The following SLBP variants were observed in gnomAD, a reference collection of about 807,000 sequenced individuals.
The protein encoded by SLBP is stem-loop histone mRNA binding protein.
In SLBP, 29 loss-of-function variants were observed where a neutral mutation model predicts 39.2. That is an observed-to-expected ratio of 0.74 (90% confidence interval 0.55 to 1.01). SLBP has a LOEUF of 1.01. SLBP is among the 50% of genes least tolerant of loss of function. SLBP has a pLI of 0.00. For missense variants in SLBP, 390 were observed against 350.2 expected, an observed-to-expected ratio of 1.11 and a Z score of -0.91; for synonymous variants, 129 against 118.7, an observed-to-expected ratio of 1.09 and a Z score of -0.57.
At chr4:1,697,070 A>G (rs891111034) in intron 5 of SLBP, among the ~76,000 whole-genome samples, 6 of 148,238 alleles carry the variant, frequency 4.0e-5, no homozygotes, top group Admixed American at 6.9e-5. Context: ...AGGCAGAAGA[A>G]TTGCTTGAAC....
intron 3 of SLBP, among the ~76,000 whole-genome samples, chr4:1,701,265 C>T (rs1475817991): frequency 6.6e-6 from 1 of 151,258 alleles, no homozygotes; most frequent in Non-Finnish European, 1.5e-5. Flanking sequence ...CCTGCCTCAG[C>T]CTCCTGAGTA....
intron 5 of SLBP, among the ~76,000 whole-genome samples, chr4:1,698,407 A>AC (rs1553818807): frequency 1.5e-5 from 1 of 68,688 alleles, no homozygotes; most frequent in Non-Finnish European, 4.2e-5. Context: ...CTCGGTCAGG[A>AC]GGGAAAAAAA....
intron 2 of SLBP, among the ~76,000 whole-genome samples, 176 bp from the exon 3 acceptor site, chr4:1,703,876 G>A (rs1285599052): frequency 6.6e-6 from 1 of 152,142 alleles, no homozygotes; most frequent in African/African-American, 2.4e-5. Flanking sequence ...ACCAGCATGG[G>A]CAAGATAGTG....
intron 2 of SLBP, among the ~76,000 whole-genome samples, chr4:1,711,383 G>T (rs919514537): frequency 6.6e-6 from 1 of 151,688 alleles, no homozygotes; most frequent in Non-Finnish European, 1.5e-5. Flanking sequence ...GAAAAGCCCC[G>T]CCACTACGAC....
intron 7 of SLBP, among the ~76,000 whole-genome samples, chr4:1,694,127 G>A (rs1356493896): frequency 6.6e-6 from 1 of 152,238 alleles, no homozygotes; most frequent in Non-Finnish European, 1.5e-5. Context: ...CTGTCACACA[G>A]GGTGGAGGGC....
rs1419181013 is a variant in SLBP at position 1,712,204 on chromosome 4, G to A, written c.-16C>T. On this transcript the variant is annotated 5_prime_UTR_variant, in exon 1 of 8. Transcript: ENST00000489418. ...GGCAGGCCATGGCAGCACGGGCCGG[G>A]CGCGCAGCGCAGGGCCGAGGCTGAG... 27 of 1,247,018 alleles carry A rather than the reference G, an allele frequency of 2.2e-5. 1 individual carries two copies. In the South Asian group the frequency reaches 7.2e-4, roughly 33 times the overall value. 77.2% of individuals were successfully genotyped at this position (1,247,018 alleles called of 1,614,324 possible). A position where few individuals can be genotyped will look rare whatever the true frequency, so the allele number is the denominator to read the frequency against.
At chr4:1,698,735 C>T (rs1489649273) in intron 5 of SLBP, among the ~76,000 whole-genome samples, 2 of 151,820 alleles carry the variant, frequency 1.3e-5, no homozygotes, top group African/African-American at 4.8e-5. Context: ...CCGCACTCCT[C>T]GGCCTCCCAA....
chr4:1,708,572 T>A (rs1716611541), intron 2 of SLBP, among the ~76,000 whole-genome samples: 1 of 152,206 alleles, frequency 6.6e-6, no homozygotes, highest in Non-Finnish European at 1.5e-5. Context: ...CAAGTCTGGG[T>A]CTGCCAACAT....
At chr4:1,699,989 G>T in intron 4 of SLBP, 22 bp downstream of exon 4, 1 of 1,520,164 alleles carries the variant, frequency 6.6e-7, no homozygotes, top group Non-Finnish European at 8.9e-7. Context: ...AATTAGAAAA[G>T]AAACATTTAC....
chr4:1,693,147 TA>T lies in SLBP; in HGVS notation c.*449del, dbSNP rs1402592032. 6.3e-6 allele frequency: 1 copy of T among 157,734 alleles called. No homozygotes were observed. Among genetic ancestry groups the T allele is most frequent in the Non-Finnish European group, 1.4e-5 (1 of 70,882 alleles). The allele number at this position is 157,734 out of a possible 1,614,324, so 9.8% of individuals were successfully genotyped here. A position where few individuals can be genotyped will look rare whatever the true frequency, so the allele number is the denominator to read the frequency against. ...GACATATTGATAAAAGGCCAAAAATTAAGTTTCCATAAAGATATTAAAGGTG... is the reference window on the plus strand; with the variant it reads ...GACATATTGATAAAAGGCCAAAAATTAGTTTCCATAAAGATATTAAAGGTG... On this transcript the variant is annotated 3_prime_UTR_variant, in exon 8 of 8. Coordinates refer to ENST00000489418, the MANE Select transcript of SLBP (RefSeq NM_006527.4).
At chr4:1,704,991 G>A (rs1201074464) in intron 2 of SLBP, among the ~76,000 whole-genome samples, 1 of 151,510 alleles carries the variant, frequency 6.6e-6, no homozygotes, top group Non-Finnish European at 1.5e-5. Context: ...GCAATGGCAT[G>A]ATCTCAGCTC....
At position 1,698,329 on chromosome 4, in the gene SLBP, G is replaced by A. The variant is rs575773668; in HGVS notation, c.479+1235C>T. On this transcript the variant is annotated intron_variant, in intron 5 of 7. Transcript: ENST00000489418. ...AGCCTGGGCAACAGAGCAAGATTCC[G>A]TCTCAAAAAAATGAATACACAGTGA... Among the ~76,000 whole-genome samples the A allele has an allele frequency of 1.3e-4, 20 of 150,364 alleles. No individual in the cohort carries two copies. The South Asian group carries it at 2.5e-3, about 19-fold the overall frequency.
intron 2 of SLBP, 69 bp downstream of exon 2, chr4:1,711,805 C>T: frequency 1.2e-6 from 1 of 807,342 alleles, no homozygotes; most frequent in Non-Finnish European, 1.7e-6. Context: ...GAGAGCGCGA[C>T]GAGGTCCCTG....
At chr4:1,694,044 T>C (rs567185594) in intron 7 of SLBP, among the ~76,000 whole-genome samples, 2 of 152,332 alleles carry the variant, frequency 1.3e-5, no homozygotes, top group African/African-American at 4.8e-5. Flanking sequence ...AGTGGCTGTC[T>C]CAGGACAGGA....
intron 2 of SLBP, among the ~76,000 whole-genome samples, chr4:1,709,423 G>A (rs1716647754): frequency 6.6e-6 from 1 of 152,178 alleles, no homozygotes; most frequent in Admixed American, 6.5e-5. Context: ...CAGTGTTCAA[G>A]AAGAAAGACA....
chr4:1,694,913 A>G (rs1345722689), intron 6 of SLBP, 73 bp from the exon 7 acceptor site: 1 of 1,008,056 alleles, frequency 9.9e-7, no homozygotes, highest in African/African-American at 1.6e-5. Flanking sequence ...CTACAGACAA[A>G]CCCCATCCAT....
intron 5 of SLBP, among the ~76,000 whole-genome samples, chr4:1,698,639 C>G (rs1716212528): frequency 6.6e-6 from 1 of 151,528 alleles, no homozygotes; most frequent in African/African-American, 2.4e-5. Context: ...TGTGTGCCAC[C>G]ACGCCCAGCA....
chr4:1,695,110 G>A (rs1160404578), intron 6 of SLBP, among the ~76,000 whole-genome samples: 1 of 152,136 alleles, frequency 6.6e-6, no homozygotes. Context: ...ACACTCATAA[G>A]CCCAATTTTT....
intron 3 of SLBP, among the ~76,000 whole-genome samples, chr4:1,701,844 T>C (rs981249232): frequency 3.3e-5 from 5 of 152,130 alleles, no homozygotes; most frequent in Non-Finnish European, 7.4e-5. Context: ...GAAGCGGAAG[T>C]TGCAGTGAGC....
Sources: gnomAD v4.1 joint callset for allele counts (sites outside exome capture counted in the v4.1 genomes callset) on GRCh38, gnomAD v4.1.1 for gene constraint, MANE v1.5 for transcripts, NCBI Gene and HGNC (gene_info 2026-07-23, HGNC 2026-07-21) for gene names.